The following LMNTD1 variants were observed in gnomAD, a reference collection of about 807,000 sequenced individuals.
LMNTD1 encodes lamin tail domain-containing protein 1.
Under a neutral mutation model 50.9 loss-of-function variants are expected in LMNTD1, and 35 were observed. That is an observed-to-expected ratio of 0.69 (90% confidence interval 0.53 to 0.91). LMNTD1 has a LOEUF of 0.91. LMNTD1 is among the 40% of genes least tolerant of loss of function. LMNTD1 has a pLI of 0.00. For missense variants in LMNTD1, 470 were observed against 475.5 expected, an observed-to-expected ratio of 0.99 and a Z score of 0.11; for synonymous variants, 153 against 161.9, an observed-to-expected ratio of 0.94 and a Z score of 0.42.
intron 1 of LMNTD1, among the ~76,000 whole-genome samples, chr12:25,560,579 A>G (rs1944262177): frequency 6.6e-6 from 1 of 152,168 alleles, no homozygotes; most frequent in Non-Finnish European, 1.5e-5. Flanking sequence ...AATTCTGTGA[A>G]GAAAGTCATT....
intron 1 of LMNTD1, among the ~76,000 whole-genome samples, chr12:25,594,503 C>A (rs970023784): frequency 6.6e-6 from 1 of 151,848 alleles, no homozygotes; most frequent in African/African-American, 2.4e-5. Flanking sequence ...TTTCAGACAA[C>A]CAAATGTTGA....
At chr12:25,550,873 A>C (rs1166833917) in intron 2 of LMNTD1, among the ~76,000 whole-genome samples, 1 of 152,236 alleles carries the variant, frequency 6.6e-6, no homozygotes, top group Non-Finnish European at 1.5e-5. Flanking sequence ...TAAAATAATT[A>C]AATGGCATTG....
intron 1 of LMNTD1, among the ~76,000 whole-genome samples, chr12:25,581,767 A>C (rs1945299592): frequency 6.6e-6 from 1 of 152,258 alleles, no homozygotes; most frequent in South Asian, 2.1e-4. Flanking sequence ...CTACACACCT[A>C]GGTTATATGG....
At chr12:25,642,320 G>A (rs1243536714) in intron 1 of LMNTD1, among the ~76,000 whole-genome samples, 1 of 152,166 alleles carries the variant, frequency 6.6e-6, no homozygotes, top group African/African-American at 2.4e-5. Context: ...CATGAGGGTT[G>A]AGCCCCCATA....
At chr12:25,508,968 C>G (rs868254608) in intron 8 of LMNTD1, among the ~76,000 whole-genome samples, 9 of 151,994 alleles carry the variant, frequency 5.9e-5, no homozygotes, top group African/African-American at 2.2e-4. Flanking sequence ...ATATAATTTT[C>G]CTCTTTATAA....
At chr12:25,632,899 A>G (rs1311250353) in intron 1 of LMNTD1, among the ~76,000 whole-genome samples, 1 of 152,196 alleles carries the variant, frequency 6.6e-6, no homozygotes, top group African/African-American at 2.4e-5. Flanking sequence ...GAACTCACCA[A>G]CCAACTATCT....
At chr12:25,604,309 A>G (rs985000843) in intron 1 of LMNTD1, among the ~76,000 whole-genome samples, 2 of 152,128 alleles carry the variant, frequency 1.3e-5, no homozygotes, top group African/African-American at 2.4e-5. Context: ...TCAGCTTTAA[A>G]CATTTTAAAA....
chr12:25,580,893 T>C (rs946591537), intron 1 of LMNTD1, among the ~76,000 whole-genome samples: 4 of 152,308 alleles, frequency 2.6e-5, no homozygotes, highest in African/African-American at 9.6e-5. Flanking sequence ...TATTTCTTCC[T>C]TTTCAAAATG....
At chr12:25,534,488 TGAG>T (rs1942437915) in intron 4 of LMNTD1, among the ~76,000 whole-genome samples, 1 of 152,032 alleles carries the variant, frequency 6.6e-6, no homozygotes, top group African/African-American at 2.4e-5. Context: ...CTCTCTGACT[TGAG>T]GAGATGGAGC....
At chr12:25,618,462 AT>A (rs1287906198) in intron 1 of LMNTD1, among the ~76,000 whole-genome samples, 2 of 152,148 alleles carry the variant, frequency 1.3e-5, no homozygotes, top group African/African-American at 4.8e-5. Context: ...TTGCAATACC[AT>A]TGCTTCGGGT....
intron 1 of LMNTD1, among the ~76,000 whole-genome samples, chr12:25,602,504 A>AG (rs1402077995): frequency 6.6e-6 from 1 of 152,046 alleles, no homozygotes; most frequent in African/African-American, 2.4e-5. Context: ...AGGAAGTCAT[A>AG]GGACTACCTT....
In LMNTD1 at chr12:25,558,899, G is replaced by A. The variant is rs181646906; in HGVS notation, c.59-12345C>T. ...CAATTCAAGGTGAGATTTGGGTGGG[G>A]ACACAGAGCCAAACAATATCACGTG... On this transcript the variant is annotated intron_variant, in intron 1 of 7. Coordinates refer to the LMNTD1 transcript ENST00000445693. Among the ~76,000 whole-genome samples, 887 of 151,782 alleles carry A rather than the reference G, an allele frequency of 5.8e-3. 6 individuals are homozygous for A. The highest frequency in any genetic ancestry group is 0.011 in the Non-Finnish European group (750 of 67,936).
At chr12:25,648,006 A>G (rs919972102) in intron 1 of LMNTD1, among the ~76,000 whole-genome samples, 2 of 151,946 alleles carry the variant, frequency 1.3e-5, no homozygotes, top group Non-Finnish European at 2.9e-5. Flanking sequence ...TACTATTATT[A>G]TTACCAAAGG....
At chr12:25,531,349 A>G (rs190981403) in intron 4 of LMNTD1, among the ~76,000 whole-genome samples, 27 of 152,314 alleles carry the variant, frequency 1.8e-4, no homozygotes, top group Non-Finnish European at 3.2e-4. Flanking sequence ...ACACTAATAT[A>G]TATTTCTTGT....
intron 4 of LMNTD1, among the ~76,000 whole-genome samples, chr12:25,528,967 A>T (rs1449993173): frequency 6.6e-6 from 1 of 152,048 alleles, no homozygotes; most frequent in Non-Finnish European, 1.5e-5. Context: ...GGAAAAGGCT[A>T]TGTCACTAAT....
intron 9 of LMNTD1, among the ~76,000 whole-genome samples, chr12:25,501,220 A>T (rs1017893775): frequency 2.6e-5 from 4 of 152,038 alleles, no homozygotes; most frequent in Non-Finnish European, 4.4e-5. Context: ...TGAACTCCTG[A>T]CCTCAAGTAA....
intron 1 of LMNTD1, among the ~76,000 whole-genome samples, chr12:25,627,340 C>G (rs1186988599): frequency 6.6e-6 from 1 of 152,140 alleles, no homozygotes; most frequent in Non-Finnish European, 1.5e-5. Context: ...TTGAAAAACT[C>G]TAAGCGCAGA....
intron 1 of LMNTD1, among the ~76,000 whole-genome samples, chr12:25,595,729 C>T (rs1001258237): frequency 1.4e-4 from 21 of 151,970 alleles, no homozygotes; most frequent in Non-Finnish European, 3.1e-4. Context: ...TAACCAACAT[C>T]ACAGCAGAAC....
chr12:25,494,158 T>G (rs751660274), intron 9 of LMNTD1, among the ~76,000 whole-genome samples: 1 of 152,348 alleles, frequency 6.6e-6, no homozygotes, highest in Non-Finnish European at 1.5e-5. Flanking sequence ...TCCTTCTGTC[T>G]GAACTCTATT....
Sources: allele counts gnomAD v4.1 joint callset (sites outside exome capture counted in the v4.1 genomes callset), GRCh38; gene constraint gnomAD v4.1.1; transcripts MANE v1.5; gene names NCBI Gene and HGNC (gene_info 2026-07-23, HGNC 2026-07-21).